Variants in ELMO1 observed in about 807,000 individuals in gnomAD.
ELMO1 encodes engulfment and cell motility protein 1.
In ELMO1, 26 loss-of-function variants were observed where a neutral mutation model predicts 98.9. The observed-to-expected ratio is 0.26, with a 90% CI of 0.19 to 0.36. The LOEUF (loss-of-function observed/expected upper bound fraction) is 0.36, where lower values mean the gene tolerates loss of function less well. Ranked by LOEUF, ELMO1 falls within the 10% of genes least tolerant of loss-of-function variation. The pLI, the probability that ELMO1 is intolerant of heterozygous loss-of-function variation, is 1.00. For missense variants in ELMO1, 627 were observed against 935.2 expected, an observed-to-expected ratio of 0.67 and a Z score of 4.30; for synonymous variants, 346 against 346.0, an observed-to-expected ratio of 1.00 and a Z score of 0.00.
rs773213406 is a variant in ELMO1, at chr7:37,259,233, T to G, written c.361A>C (p.Ile121Leu). The G allele has an allele frequency of 1.2e-6, 2 of 1,614,014 alleles. No individual in the cohort carries two copies. The highest frequency in any genetic ancestry group is 1.7e-6 in the Non-Finnish European group (2 of 1,180,014). The change falls in exon 6 of 22, where the codon ATA becomes CTA. Residue 121 changes from isoleucine (I) to leucine (L), a missense_variant. Ile to Leu is a conservative substitution (Grantham distance 5, BLOSUM62 2). Transcript: ENST00000310758. The stretch of plus-strand genomic sequence containing the variant: ...AGGAGAGAGATACCGTCCAGGTTTA[T>G]AAACTCCTGGGCAAACGTGACATCC... ...SRDVTFAQEF[I>L]NLDGISLLTQ...
intron 15 of ELMO1, among the ~76,000 whole-genome samples, chr7:37,076,388 C>A (rs1398763784): frequency 1.3e-5 from 2 of 152,182 alleles, no homozygotes; most frequent in Non-Finnish European, 2.9e-5. Context: ...TAAATACAGA[C>A]AACCATGTGG....
chr7:37,103,251 C>T (rs1052907512), intron 14 of ELMO1, among the ~76,000 whole-genome samples: 6 of 152,100 alleles, frequency 3.9e-5, no homozygotes, highest in African/African-American at 1.4e-4. Context: ...TGAAAAAGCA[C>T]GACAGAAAAC....
intron 15 of ELMO1, among the ~76,000 whole-genome samples, chr7:37,083,153 T>C (rs1228134774): frequency 2.0e-5 from 3 of 152,198 alleles, no homozygotes; most frequent in Non-Finnish European, 4.4e-5. Flanking sequence ...CCAGGTCTTC[T>C]AATGCTTAAT....
At chr7:37,179,937 T>C (rs1387390491) in intron 13 of ELMO1, among the ~76,000 whole-genome samples, 1 of 152,226 alleles carries the variant, frequency 6.6e-6, no homozygotes, top group South Asian at 2.1e-4. Context: ...TTTTTCACCA[T>C]GCCATAGAAG....
chr7:37,329,993 A>AGGTGC (rs1381773565), intron 2 of ELMO1, among the ~76,000 whole-genome samples: 2 of 152,196 alleles, frequency 1.3e-5, no homozygotes, highest in Non-Finnish European at 2.9e-5. Flanking sequence ...TTCTAAAAGT[A>AGGTGC]CAACTAACCA....
chr7:37,311,663 G>A (rs572798062), intron 4 of ELMO1, among the ~76,000 whole-genome samples: 1 of 152,176 alleles, frequency 6.6e-6, no homozygotes, highest in African/African-American at 2.4e-5. Context: ...TGCTCTGTGC[G>A]TGCTGAGCTC....
intron 1 of ELMO1, among the ~76,000 whole-genome samples, chr7:37,422,735 A>G (rs1281251761): frequency 2.0e-5 from 3 of 152,236 alleles, no homozygotes; most frequent in Non-Finnish European, 4.4e-5. Context: ...ATGATGCACT[A>G]CAAGACTTCT....
intron 15 of ELMO1, among the ~76,000 whole-genome samples, chr7:37,054,683 ATCTG>A (rs1427576302): frequency 3.3e-5 from 5 of 152,210 alleles, no homozygotes; most frequent in South Asian, 4.1e-4. Flanking sequence ...TATATGAGAG[ATCTG>A]TCTATTTCAT....
At chr7:37,138,279 T>C (rs976249316) in intron 13 of ELMO1, among the ~76,000 whole-genome samples, 1 of 120,528 alleles carries the variant, frequency 8.3e-6, no homozygotes, top group Non-Finnish European at 1.8e-5. Context: ...TGAAACGATA[T>C]GCTGGTTCTT....
At chr7:37,390,049 G>A (rs1300770348) in intron 1 of ELMO1, among the ~76,000 whole-genome samples, 7 of 151,810 alleles carry the variant, frequency 4.6e-5, no homozygotes, top group African/African-American at 9.7e-5. Context: ...GAAATCATTT[G>A]GTTAAAAATC....
intron 1 of ELMO1, among the ~76,000 whole-genome samples, chr7:37,417,477 G>A (rs1338799072): frequency 6.6e-6 from 1 of 152,262 alleles, no homozygotes; most frequent in Admixed American, 6.5e-5. Flanking sequence ...TGGCTAACAT[G>A]GTGAAACCCT....
intron 16 of ELMO1, among the ~76,000 whole-genome samples, chr7:36,977,359 A>G (rs1438560179): frequency 1.3e-5 from 2 of 152,240 alleles, no homozygotes; most frequent in Admixed American, 1.3e-4. Flanking sequence ...TGTTTCTGAC[A>G]TTGGTCTGGC....
chr7:37,355,596 G>A (rs182867391), intron 1 of ELMO1, among the ~76,000 whole-genome samples: 37 of 152,352 alleles, frequency 2.4e-4, no homozygotes, highest in African/African-American at 8.2e-4. Context: ...AAATCGGAGG[G>A]GGGAAAGTTA....
At chr7:37,121,283 T>A (rs990709419) in intron 14 of ELMO1, among the ~76,000 whole-genome samples, 2 of 152,164 alleles carry the variant, frequency 1.3e-5, no homozygotes, top group Non-Finnish European at 2.9e-5. Flanking sequence ...GAGAATGACT[T>A]TGACAAGTTC....
intron 1 of ELMO1, among the ~76,000 whole-genome samples, chr7:37,389,701 T>G (rs1486155272): frequency 6.6e-6 from 1 of 152,056 alleles, no homozygotes; most frequent in Non-Finnish European, 1.5e-5. Context: ...GATATTCAGC[T>G]TTTGCTGGGA....
chr7:37,053,180 G>T (rs1363094091), intron 15 of ELMO1, among the ~76,000 whole-genome samples: 1 of 151,886 alleles, frequency 6.6e-6, no homozygotes, highest in Non-Finnish European at 1.5e-5. Context: ...AGACAAAAAG[G>T]AAACTCTAAC....
intron 1 of ELMO1, among the ~76,000 whole-genome samples, chr7:37,412,820 A>G (rs1406996261): frequency 6.6e-6 from 1 of 152,176 alleles, no homozygotes; most frequent in African/African-American, 2.4e-5. Context: ...CCCATGTCAT[A>G]AGGACACTCA....
At chr7:37,442,381 A>C (rs1805448375) in intron 1 of ELMO1, among the ~76,000 whole-genome samples, 1 of 152,230 alleles carries the variant, frequency 6.6e-6, no homozygotes, top group Admixed American at 6.5e-5. Flanking sequence ...TCTATCAACA[A>C]GAGAATTAGC....
At chr7:37,171,189 A>G (rs1790128877) in intron 13 of ELMO1, among the ~76,000 whole-genome samples, 1 of 152,070 alleles carries the variant, frequency 6.6e-6, no homozygotes, top group Non-Finnish European at 1.5e-5. Flanking sequence ...ATATATCGTT[A>G]AGTCCAGAAG....
Sources: gnomAD v4.1 joint callset for allele counts (sites outside exome capture counted in the v4.1 genomes callset) on GRCh38, gnomAD v4.1.1 for gene constraint, MANE v1.5 for transcripts, NCBI Gene and HGNC (gene_info 2026-07-23, HGNC 2026-07-21) for gene names.